Variants in LIMCH1 observed in about 807,000 individuals in gnomAD.
LIMCH1 encodes the protein LIM and calponin homology domains 1.
A neutral mutation model predicts 176.5 loss-of-function variants in LIMCH1; 113 were observed. The observed-to-expected ratio is 0.64, with a 90% CI of 0.55 to 0.75. The LOEUF is 0.75. Among genes scored for constraint, LIMCH1 ranks in the 30% least tolerant of loss-of-function variants. The probability of loss-of-function intolerance (pLI) is 0.00; values close to 1 mark genes in which losing one functional copy is unlikely to be tolerated. For missense variants in LIMCH1, 1,674 were observed against 1,814.9 expected (o/e 0.92, Z 1.41); for synonymous variants, 619 against 645.9 (o/e 0.96, Z 0.63).
chr4:41,589,643 T>C (rs1408032205), intron 1 of LIMCH1, among the ~76,000 whole-genome samples: 2 of 152,154 alleles, frequency 1.3e-5, no homozygotes, highest in Non-Finnish European at 2.9e-5. Flanking sequence ...TGTTTGCTTT[T>C]CTTCAGGCAC....
intron 1 of LIMCH1, among the ~76,000 whole-genome samples, chr4:41,435,184 T>A (rs2061959694): frequency 1.3e-5 from 2 of 152,156 alleles, no homozygotes; most frequent in African/African-American, 4.8e-5. Flanking sequence ...TCCAATGTTA[T>A]CCCAGTGGAC....
At chr4:41,544,107 T>A (rs2079046016) in intron 1 of LIMCH1, among the ~76,000 whole-genome samples, 2 of 152,086 alleles carry the variant, frequency 1.3e-5, no homozygotes, top group Non-Finnish European at 2.9e-5. Context: ...CCTTCTCAAT[T>A]CCAAACCTGT....
At chr4:41,362,527 T>C (rs1008056327) in intron 1 of LIMCH1, among the ~76,000 whole-genome samples, 6 of 152,028 alleles carry the variant, frequency 3.9e-5, no homozygotes, top group African/African-American at 1.5e-4. Context: ...TGGGTGGGGG[T>C]AAGGGGAGGA....
At chr4:41,645,051 T>A (rs1230796102) in intron 15 of LIMCH1, among the ~76,000 whole-genome samples, 1 of 152,194 alleles carries the variant, frequency 6.6e-6, no homozygotes, top group Non-Finnish European at 1.5e-5. Flanking sequence ...TCTTAGTAAC[T>A]CAATGAACTA....
intron 1 of LIMCH1, among the ~76,000 whole-genome samples, chr4:41,427,745 A>G (rs1440604038): frequency 6.6e-6 from 1 of 152,218 alleles, no homozygotes; most frequent in Admixed American, 6.5e-5. Context: ...CAGAAGCCAG[A>G]CTTAAGGTTA....
chr4:41,632,762 G>T lies in LIMCH1; in HGVS notation c.1615G>T (p.Gly539Cys). 6.5e-7 allele frequency: 1 copy of T among 1,536,174 alleles called. No homozygotes were observed. The highest frequency in any genetic ancestry group is 1.2e-5 in the South Asian group (1 of 84,052). The change falls in exon 11 of 32, where the codon GGC becomes TGC. Residue 539 changes from glycine to cysteine, a missense_variant. By Grantham distance (159) the Gly-to-Cys change is radical. Transcript: ENST00000503057. ...GATCGTCTGCAGAACAATGAATTGTGGCCGAGGTGACTATTGCAGAAGGGC... is the reference window on the plus strand; with the variant it reads ...GATCGTCTGCAGAACAATGAATTGTTGCCGAGGTGACTATTGCAGAAGGGC... ...RQNDCRTMNC[G>C]RGDYCRRASW...
At chr4:41,397,702 G>A (rs567081636) in intron 1 of LIMCH1, among the ~76,000 whole-genome samples, 1 of 152,162 alleles carries the variant, frequency 6.6e-6, no homozygotes, top group East Asian at 1.9e-4. Flanking sequence ...CAAATATTCT[G>A]TAGCTGTACT....
chr4:41,387,185 T>C (rs1328258143), intron 1 of LIMCH1, among the ~76,000 whole-genome samples: 1 of 152,200 alleles, frequency 6.6e-6, no homozygotes, highest in Admixed American at 6.5e-5. Flanking sequence ...ATGATGAAAA[T>C]ACAGAAAATG....
chr4:41,689,579 G>C lies in LIMCH1; in HGVS notation c.4219G>C (p.Gly1407Arg). 2 of 1,612,952 alleles carry C rather than the reference G, an allele frequency of 1.2e-6. No homozygotes were observed. Among genetic ancestry groups the C allele is most frequent in the Non-Finnish European group, 1.7e-6 (2 of 1,179,082 alleles). The change falls in exon 30 of 32, where the codon GGA becomes CGA. Residue 1407 changes from glycine (G) to arginine (R), a missense_variant. Gly to Arg is a moderately radical substitution (Grantham distance 125). Transcript: ENST00000503057. ...TTCCTGTGGGCTTCCTTTGGGTAAA[G>C]GAGCTGCAATGATCATCGAGACCCT... is the stretch of plus-strand genomic sequence containing the variant. ...CSSCGLPLGK[G>R]AAMIIETLNL...
In LIMCH1 at chr4:41,692,278, A is replaced by G. The variant is rs200301487; in HGVS notation, c.4276-4A>G. On this transcript the variant is annotated splice_region_variant and splice_polypyrimidine_tract_variant and intron_variant, in intron 30 of 31. Coordinates refer to ENST00000503057, the MANE Select transcript of LIMCH1 (RefSeq NM_001330672.2). ...TTATGATGTCTGTTCTTTTTACCCT[A>G]TAGTGTGGAATTTGTAAAGGCCAGC... 1.4e-5 allele frequency: 22 copies of G among 1,571,870 alleles called. No individual in the cohort carries two copies. In the East Asian group the frequency reaches 4.9e-4, roughly 35 times the overall value.
intron 1 of LIMCH1, among the ~76,000 whole-genome samples, chr4:41,430,098 C>T (rs1040967413): frequency 1.3e-5 from 2 of 151,950 alleles, no homozygotes; most frequent in Admixed American, 6.6e-5. Flanking sequence ...ATAGACGTTA[C>T]GTAAGTCAAA....
In LIMCH1 at chr4:41,524,596, G is replaced by A. The variant is rs141345808; in HGVS notation, c.237+118G>A. On this transcript the variant is annotated intron_variant, in intron 3 of 26. Coordinates refer to the LIMCH1 transcript ENST00000313860. ...ATATATATTCCACTTGAATGAGAAC[G>A]CATTGAATCCATTAAACGAAGAGGT... 5.9e-3 allele frequency: 4,567 copies of A among 771,372 alleles called. 19 individuals are homozygous for A. The highest frequency in any genetic ancestry group is 8.4e-3 in the Non-Finnish European group (3,692 of 438,162). 47.8% of individuals were successfully genotyped at this position (771,372 alleles called of 1,614,324 possible).
intron 7 of LIMCH1, among the ~76,000 whole-genome samples, chr4:41,623,303 C>T (rs1330331174): frequency 2.0e-5 from 3 of 152,122 alleles, no homozygotes; most frequent in African/African-American, 7.2e-5. Context: ...TCTTTGCACC[C>T]AACAAGAGGA....
At chr4:41,446,898 C>T (rs1582323462) in intron 1 of LIMCH1, among the ~76,000 whole-genome samples, 1 of 152,062 alleles carries the variant, frequency 6.6e-6, no homozygotes, top group Admixed American at 6.6e-5. Flanking sequence ...AGATCAGTGT[C>T]GTGGAGACAT....
At chr4:41,552,980 C>CA (rs1323522694) in intron 1 of LIMCH1, among the ~76,000 whole-genome samples, 1 of 152,094 alleles carries the variant, frequency 6.6e-6, no homozygotes, top group Non-Finnish European at 1.5e-5. Context: ...ATTCCTATTC[C>CA]AATCCCCAAA....
In LIMCH1 at chr4:41,631,400, G is replaced by A. The variant is rs2093317004; in HGVS notation, c.1524G>A (p.Met508Ile). 6.5e-7 allele frequency: 1 copy of A among 1,536,138 alleles called. No homozygotes were observed. The change falls in exon 10 of 32, where the codon ATG becomes ATA. Residue 508 changes from methionine (M) to isoleucine (I), a missense_variant. Transcript: ENST00000503057. ...TCTGTCATGGCAGCAAGATTCAAAT[G>A]GACTCTGTGTCTCCTGTCTCAGCGG... ...EVICHGSKIQ[M>I]DSVSPVSAAT...
chr4:41,420,620 C>T (rs915067161), intron 1 of LIMCH1, among the ~76,000 whole-genome samples: 2 of 152,176 alleles, frequency 1.3e-5, no homozygotes, highest in Middle Eastern at 3.2e-3. Flanking sequence ...TGACTTAACC[C>T]GATTCCTCCT....
chr4:41,471,656 C>T (rs141115173), intron 1 of LIMCH1, among the ~76,000 whole-genome samples: 11 of 152,248 alleles, frequency 7.2e-5, no homozygotes, highest in Admixed American at 3.3e-4. Flanking sequence ...TGGATTTGGC[C>T]GTGTCCATGT....
At chr4:41,601,762 C>T (rs898182555) in intron 2 of LIMCH1, among the ~76,000 whole-genome samples, 1 of 152,110 alleles carries the variant, frequency 6.6e-6, no homozygotes, top group Non-Finnish European at 1.5e-5. Context: ...AATAAACTAT[C>T]GGATTTCGTG....
Sources: gnomAD v4.1 joint callset for allele counts (sites outside exome capture counted in the v4.1 genomes callset) on GRCh38, gnomAD v4.1.1 for gene constraint, MANE v1.5 for transcripts, NCBI Gene and HGNC (gene_info 2026-07-23, HGNC 2026-07-21) for gene names.